TTC17: variants seen among roughly 807,000 people sequenced by gnomAD.
The protein encoded by TTC17 is tetratricopeptide repeat domain 17.
Under a neutral mutation model 143.8 loss-of-function variants are expected in TTC17, and 58 were observed. That is an observed-to-expected ratio of 0.40 (90% CI 0.33 to 0.50). The LOEUF (loss-of-function observed/expected upper bound fraction) is 0.50, where lower values mean the gene tolerates loss of function less well. TTC17 is among the 20% of genes least tolerant of loss of function. TTC17 has a pLI of 0.49. For missense variants in TTC17, 1,273 were observed against 1,392.5 expected, an observed-to-expected ratio of 0.91 and a Z score of 1.37; for synonymous variants, 501 against 497.8, an observed-to-expected ratio of 1.01 and a Z score of -0.09.
chr11:43,445,822 A>C, intron 18 of TTC17: 1 of 672,326 alleles, frequency 1.5e-6, no homozygotes, highest in Admixed American at 2.2e-5. Context: ...GCAAAGTATT[A>C]AATAGTTTGT....
intron 2 of TTC17, among the ~76,000 whole-genome samples, chr11:43,386,242 ATT>A (rs1201438978): frequency 6.6e-6 from 1 of 152,156 alleles, no homozygotes; most frequent in Non-Finnish European, 1.5e-5. Context: ...AAAAAAAAAT[ATT>A]GATAGTCATG....
rs77779251 is a variant in TTC17 at position 43,488,750 on chromosome 11, G to A, written c.3031-1489G>A. Reference sequence around the variant, plus strand: ...CACTCTGTCTCCTGCAGGCTGAAGTGCACTAAGTGGTGTGATCATAGCTCA... The same window carrying A: ...CACTCTGTCTCCTGCAGGCTGAAGTACACTAAGTGGTGTGATCATAGCTCA... On this transcript the variant is annotated intron_variant, in intron 21 of 23. Coordinates refer to ENST00000039989, the MANE Select transcript of TTC17 (RefSeq NM_018259.6). 6.6e-4 allele frequency among the ~76,000 whole-genome samples: 100 copies of A among 152,264 alleles called. 1 individual carries two copies. The East Asian group carries it at 0.019, about 29-fold the overall frequency.
intron 1 of TTC17, among the ~76,000 whole-genome samples, chr11:43,366,946 ACAT>A (rs1856369962): frequency 1.3e-5 from 2 of 152,084 alleles, no homozygotes; most frequent in Non-Finnish European, 2.9e-5. Context: ...CATAATATAA[ACAT>A]CATTTTCTCA....
At position 43,391,380 on chromosome 11, in the gene TTC17, C is replaced by G; in HGVS notation, c.420-85C>G. The G allele has an allele frequency of 4.4e-6, 4 of 917,252 alleles. No homozygotes were observed. In the East Asian group the frequency reaches 1.1e-4, roughly 25 times the overall value. The allele number at this position is 917,252 out of a possible 1,614,324, so 56.8% of individuals were successfully genotyped here. A position where few individuals can be genotyped will look rare whatever the true frequency, so the allele number is the denominator to read the frequency against. ...TGCCACTGCACTCCAGCCTGGGCAA[C>G]AGAATGAGACCCTTTCTCTAAATAA... On this transcript the variant is annotated intron_variant, in intron 3 of 23. Transcript: ENST00000039989.
chr11:43,470,471 G>T (rs902344941), intron 21 of TTC17, among the ~76,000 whole-genome samples: 1 of 152,272 alleles, frequency 6.6e-6, no homozygotes, highest in East Asian at 1.9e-4. Flanking sequence ...TATAAGAACC[G>T]TGACACTCAG....
In TTC17 at chr11:43,494,114, AAC is replaced by A. The variant is rs543976599; in HGVS notation, c.*216_*217del. The A allele has an allele frequency of 1.7e-4, 92 of 536,240 alleles. No individual in the cohort carries two copies. In the African/African-American group the frequency reaches 1.7e-3, roughly 10 times the overall value. The allele number at this position is 536,240 out of a possible 1,614,324, so 33.2% of individuals were successfully genotyped here. A position where few individuals can be genotyped will look rare whatever the true frequency, so the allele number is the denominator to read the frequency against. On this transcript the variant is annotated 3_prime_UTR_variant, in exon 24 of 24. Coordinates refer to ENST00000039989, the MANE Select transcript of TTC17 (RefSeq NM_018259.6). ...CAACCTCAGAAGAGGCACCTTCAGA[AAC>A]ACACATTTCTTAAAAGGAAAGTGCA...
chr11:43,441,541 C>T (rs1947422072), intron 16 of TTC17, among the ~76,000 whole-genome samples: 1 of 152,040 alleles, frequency 6.6e-6, no homozygotes, highest in Non-Finnish European at 1.5e-5. Flanking sequence ...CTACAGCTTA[C>T]AGAGATAGAC....
At chr11:43,474,269 A>G (rs1342357047) in intron 21 of TTC17, among the ~76,000 whole-genome samples, 3 of 152,244 alleles carry the variant, frequency 2.0e-5, no homozygotes, top group Non-Finnish European at 4.4e-5. Flanking sequence ...GTGGAGGAGA[A>G]AAAGTGGAAA....
At chr11:43,393,007 G>A (rs1186112540) in intron 5 of TTC17, among the ~76,000 whole-genome samples, 1 of 152,204 alleles carries the variant, frequency 6.6e-6, no homozygotes, top group Non-Finnish European at 1.5e-5. Context: ...AGGTTAGGTG[G>A]TTGTATTTGT....
chr11:43,485,218 C>T (rs1285758208), intron 21 of TTC17, among the ~76,000 whole-genome samples: 2 of 152,108 alleles, frequency 1.3e-5, no homozygotes, highest in Non-Finnish European at 2.9e-5. Flanking sequence ...GGGACCTCTG[C>T]TCTAACATAC....
chr11:43,379,567 A>C (rs572925833), intron 2 of TTC17, among the ~76,000 whole-genome samples: 31 of 152,304 alleles, frequency 2.0e-4, no homozygotes, highest in African/African-American at 7.5e-4. Flanking sequence ...CGTGATTCTT[A>C]AAACTCATTT....
At chr11:43,377,083 G>C (rs1324964142) in intron 1 of TTC17, among the ~76,000 whole-genome samples, 6 of 152,150 alleles carry the variant, frequency 3.9e-5, no homozygotes, top group Non-Finnish European at 7.4e-5. Flanking sequence ...CACGAGGTCA[G>C]GAGTTCGAGA....
chr11:43,459,598 T>C (rs139213341), intron 21 of TTC17, among the ~76,000 whole-genome samples: 5 of 152,362 alleles, frequency 3.3e-5, no homozygotes, highest in Non-Finnish European at 5.9e-5. Context: ...CAGGGAATGA[T>C]ACCCTTTAGA....
Position 43,382,224 on chromosome 11 carries a change from G to A in TTC17, c.249+2902G>A, listed in dbSNP as rs12291755. On this transcript the variant is annotated intron_variant, in intron 2 of 23. Transcript: ENST00000039989. ...TGAGGGCAAAGTAAAGATAATTTCT[G>A]ACATACAAAAGCAGTACTAACCACA... 2.6e-3 allele frequency among the ~76,000 whole-genome samples: 402 copies of A among 152,230 alleles called. 1 individual carries two copies. Among genetic ancestry groups the A allele is most frequent in the African/African-American group, 9.4e-3 (390 of 41,544 alleles).
chr11:43,373,022 T>C (rs182499846), intron 1 of TTC17, among the ~76,000 whole-genome samples: 12 of 152,254 alleles, frequency 7.9e-5, no homozygotes, highest in Admixed American at 5.2e-4. Flanking sequence ...CCTACAAAGC[T>C]CTGTGTTTGT....
intron 3 of TTC17, 39 bp from the exon 4 acceptor site, chr11:43,391,426 C>T (rs1401667803): frequency 8.0e-7 from 1 of 1,250,078 alleles, no homozygotes; most frequent in South Asian, 1.2e-5. Flanking sequence ...TATTGTTTAT[C>T]TCACCTTTTA....
At chr11:43,462,892 T>C (rs919748385) in intron 21 of TTC17, among the ~76,000 whole-genome samples, 2 of 151,712 alleles carry the variant, frequency 1.3e-5, no homozygotes, top group African/African-American at 4.9e-5. Flanking sequence ...CTGCCATATG[T>C]AAGCACTGAA....
rs765775808 is a variant in TTC17, at chr11:43,490,250, C to G, written c.3042C>G (p.Ser1014=). Residue 1014 remains serine, a synonymous_variant, in exon 22 of 24, where the codon TCC becomes TCG. Transcript: ENST00000039989. ...ACATTCCTTTGCAGAACCAGACGTC[C>G]TGGGTCCTCTCCAGCATGGCAGCCC... The part of the protein sequence containing the change: ...IAKVLEKNQT[S]WVLSSMAALY... The G allele has an allele frequency of 3.7e-6, 6 of 1,611,220 alleles. No individual in the cohort carries two copies. Among genetic ancestry groups the G allele is most frequent in the East Asian group, 4.5e-5 (2 of 44,822 alleles).
At chr11:43,378,719 G>A (rs183544338) in intron 1 of TTC17, among the ~76,000 whole-genome samples, 1 of 152,146 alleles carries the variant, frequency 6.6e-6, no homozygotes, top group Non-Finnish European at 1.5e-5. Flanking sequence ...CAACATAATT[G>A]TTTGATTTGT....
Sources: allele counts gnomAD v4.1 joint callset (sites outside exome capture counted in the v4.1 genomes callset), GRCh38; gene constraint gnomAD v4.1.1; transcripts MANE v1.5; gene names NCBI Gene and HGNC (gene_info 2026-07-23, HGNC 2026-07-21).